Variants in MUTYH observed in about 807,000 individuals in gnomAD.
MUTYH encodes the protein adenine DNA glycosylase.
MUTYH carries 64 observed loss-of-function variants against 72.9 expected under a neutral mutation model. The observed-to-expected ratio is 0.88, with a 90% CI of 0.72 to 1.08. The LOEUF (loss-of-function observed/expected upper bound fraction) is 1.08. Ranked by LOEUF, MUTYH falls within the 50% of genes least tolerant of loss-of-function variation. The pLI is 0.00. For missense variants in MUTYH, 633 were observed against 671.0 expected, an observed-to-expected ratio of 0.94 and a Z score of 0.63; for synonymous variants, 234 against 263.1, an observed-to-expected ratio of 0.89 and a Z score of 1.07.
Position 45,334,186 on chromosome 1 carries a change from G to A in MUTYH, c.115+205C>T, listed in dbSNP as rs1242471881. ...CACGCGAGCATAGAGAGGGGATTTC[G>A]CCATGTTACCCAAGCTGGTCTCAAA... On this transcript the variant is annotated intron_variant, in intron 2 of 15. Transcript: ENST00000456914. 1.9e-5 allele frequency: 12 copies of A among 630,202 alleles called. No individual in the cohort carries two copies. The East Asian group carries it at 2.6e-4, about 14-fold the overall frequency. 39.0% of individuals were successfully genotyped at this position (630,202 alleles called of 1,614,324 possible).
Position 45,333,676 on chromosome 1 carries a change from C to T in MUTYH, c.116-115G>A, listed in dbSNP as rs1238946169. ...CACTTAGGGCTTCCCCCAACTAACC[C>T]CCTTAAGCTTTGGAGCTGGAGTCAG... On this transcript the variant is annotated intron_variant, in intron 2 of 15. Coordinates refer to ENST00000456914, the MANE Select transcript of MUTYH (RefSeq NM_001048174.2). 5 of 1,463,680 alleles carry T rather than the reference C, an allele frequency of 3.4e-6. No individual in the cohort carries two copies. The Admixed American group carries it at 6.6e-5, about 19-fold the overall frequency. The allele number at this position is 1,463,680 out of a possible 1,614,324, so 90.7% of individuals were successfully genotyped here.
At position 45,329,378 on chromosome 1, in the gene MUTYH, C is replaced by A; in HGVS notation, c.1494G>T (p.Gln498His). The A allele has an allele frequency of 1.2e-6, 2 of 1,614,178 alleles. No individual in the cohort carries two copies. The highest frequency in any genetic ancestry group is 1.7e-6 in the Non-Finnish European group (2 of 1,180,036). ...ACCGAAAGAAATTATCCAGGACTTG[C>A]TGGCCCATGCGGGGCTTTTTCCGAC... is the stretch of plus-strand genomic sequence containing the variant. The part of the protein sequence containing the change: ...PCSRKKPRMG[Q>H]QVLDNFFRSH... Residue 498 changes from glutamine to histidine, a missense_variant, in exon 16 of 16, where the codon CAG (glutamine) becomes CAT (histidine). Physicochemically the swap from Gln to His is conservative, Grantham distance 24 (BLOSUM62 0). Coordinates refer to ENST00000456914, the MANE Select transcript of MUTYH (RefSeq NM_001048174.2).
At position 45,334,515 on chromosome 1, in the gene MUTYH, A is replaced by T. The variant is rs1244463896; in HGVS notation, c.-6-4T>A. 1 of 1,614,028 alleles carries T rather than the reference A, an allele frequency of 6.2e-7. No homozygotes were observed. The highest frequency in any genetic ancestry group is 1.7e-5 in the Admixed American group (1 of 60,016). The stretch of plus-strand genomic sequence containing the variant: ...CTCGTGGCTTCCTCATGATGGCCTG[A>T]AACAAAAAGACCCAGCCAAAGCAGT... On this transcript the variant is annotated splice_polypyrimidine_tract_variant and splice_region_variant and intron_variant, in intron 1 of 15. Coordinates refer to ENST00000456914, the MANE Select transcript of MUTYH (RefSeq NM_001048174.2).
At position 45,331,324 on chromosome 1, in the gene MUTYH, G is replaced by C. The variant is rs760994413; in HGVS notation, c.1250C>G (p.Thr417Ser). The change falls in exon 14 of 16, where the codon ACC (threonine) becomes AGC (serine). Residue 417 changes from threonine (T) to serine (S), a missense_variant. Thr to Ser is a moderately conservative substitution (Grantham distance 58). Transcript: ENST00000456914. Reference protein sequence around the residue: ...HLRHLGEVVHTFSHIKLTYQV... With the variant: ...HLRHLGEVVHSFSHIKLTYQV... ...ATATGTCAGCTTGATGTGAGAGAAG[G>C]TGTGGACAACCTGGAGGAAGGGTCA... is the stretch of plus-strand genomic sequence containing the variant. 1 of 1,614,094 alleles carries C rather than the reference G, an allele frequency of 6.2e-7. No individual in the cohort carries two copies. The highest frequency in any genetic ancestry group is 2.2e-5 in the East Asian group (1 of 44,886).
chr1:45,336,537 C>T (rs938854064), intron 1 of MUTYH, among the ~76,000 whole-genome samples: 1 of 152,046 alleles, frequency 6.6e-6, no homozygotes. Context: ...TAATCTCCCC[C>T]CCACCCTTAA....
intron 1 of MUTYH, among the ~76,000 whole-genome samples, chr1:45,337,930 T>C (rs760994000): frequency 6.6e-6 from 1 of 152,104 alleles, no homozygotes; most frequent in Non-Finnish European, 1.5e-5. Flanking sequence ...AATATTAGCA[T>C]AAAAAGCAAA....
chr1:45,340,266 G>T (rs1310672482), upstream of MUTYH: 1 of 1,613,844 alleles, frequency 6.2e-7, no homozygotes, highest in Admixed American at 1.7e-5. Context: ...GCCGCCGACA[G>T]TGACGATGGC....
chr1:45,334,176 A>T (rs1355873653), intron 2 of MUTYH: 1 of 575,726 alleles, frequency 1.7e-6, no homozygotes, highest in Non-Finnish European at 3.1e-6. Context: ...GAGCATAGAG[A>T]GGGGATTTCG....
chr1:45,333,706 G>C, intron 2 of MUTYH, 145 bp from the exon 3 acceptor site: 1 of 1,235,074 alleles, frequency 8.1e-7, no homozygotes, highest in Non-Finnish European at 1.1e-6. Context: ...AGTCAGACCA[G>C]AGTTATGTAA....
chr1:45,332,160 G>A lies in MUTYH; in HGVS notation c.849+6C>T. 6.2e-7 allele frequency: 1 copy of A among 1,614,188 alleles called. No individual in the cohort carries two copies. Among genetic ancestry groups the A allele is most frequent in the Non-Finnish European group, 8.5e-7 (1 of 1,180,030 alleles). ...CTTCTCACTGCCCCTTCCCCAGTAG[G>A]CTTACTCTCTGGCGTGCCCGGCACA... is the stretch of plus-strand genomic sequence containing the variant. On this transcript the variant is annotated splice_donor_region_variant and intron_variant, in intron 10 of 15. Coordinates refer to ENST00000456914, the MANE Select transcript of MUTYH (RefSeq NM_001048174.2).
At chr1:45,331,883 C>T in intron 11 of MUTYH, 34 bp from the exon 12 acceptor site, 1 of 1,603,768 alleles carries the variant, frequency 6.2e-7, no homozygotes, top group South Asian at 1.1e-5. Context: ...CTACTCAAGC[C>T]AAGAGGGCTT....
chr1:45,332,990 G>A (rs2149162435), intron 5 of MUTYH, 31 bp from the exon 6 acceptor site: 3 of 1,614,016 alleles, frequency 1.9e-6, no homozygotes, highest in East Asian at 4.5e-5. Flanking sequence ...AAAGAGACAA[G>A]GTCAAGGGTG....
upstream of MUTYH, chr1:45,340,010 G>C: frequency 6.5e-7 from 1 of 1,539,236 alleles, no homozygotes; most frequent in Non-Finnish European, 8.8e-7. Context: ...GCTTTCCGGC[G>C]CACTCCAGGG....
At position 45,332,233 on chromosome 1, in the gene MUTYH, A is replaced by C; in HGVS notation, c.782T>G (p.Val261Gly). Residue 261 changes from valine to glycine, a missense_variant, in exon 10 of 16, where the codon GTG becomes GGG. Physicochemically the swap from Val to Gly is moderately radical, Grantham distance 109. Coordinates refer to ENST00000456914, the MANE Select transcript of MUTYH (RefSeq NM_001048174.2). Reference sequence around the variant, plus strand: ...GCACAGTGGGCGCTGTGGGGTACACACTGTGGCCCCTAGCTCCATGGCTGC... The same window carrying C: ...GCACAGTGGGCGCTGTGGGGTACACCCTGTGGCCCCTAGCTCCATGGCTGC... Reference protein sequence around the residue: ...NQAAMELGATVCTPQRPLCSQ... With the variant: ...NQAAMELGATGCTPQRPLCSQ... 6.2e-7 allele frequency: 1 copy of C among 1,614,134 alleles called. No homozygotes were observed. Among genetic ancestry groups the C allele is most frequent in the Non-Finnish European group, 8.5e-7 (1 of 1,179,994 alleles).
Position 45,331,567 on chromosome 1 carries a change from G to T in MUTYH, c.1103-11C>A, listed in dbSNP as rs1272355076. 1 of 1,613,644 alleles carries T rather than the reference G, an allele frequency of 6.2e-7. No individual in the cohort carries two copies. Among genetic ancestry groups the T allele is most frequent in the African/African-American group, 1.3e-5 (1 of 74,932 alleles). ...GTCCTGCCAGCAGACCTGAGAGGGA[G>T]GGCAGCCAGGCAGGGGTCAGGCCTC... On this transcript the variant is annotated splice_polypyrimidine_tract_variant and intron_variant, in intron 12 of 15. Coordinates refer to ENST00000456914, the MANE Select transcript of MUTYH (RefSeq NM_001048174.2).
chr1:45,334,439 G>C lies in MUTYH; in HGVS notation c.67C>G (p.Gln23Glu), dbSNP rs1270853129. Residue 23 changes from glutamine to glutamate, a missense_variant, in exon 2 of 16, where the codon CAG becomes GAG. Coordinates refer to ENST00000456914, the MANE Select transcript of MUTYH (RefSeq NM_001048174.2). The part of the protein sequence containing the change: ...RKQAASQEGR[Q>E]KHAKNNSQAK... ...TGACTGTTGTTCTTAGCATGCTTCT[G>C]CCTCCCTTCCTGGCTGGCTGCCTGC... 12 of 1,614,000 alleles carry C rather than the reference G, an allele frequency of 7.4e-6. No individual in the cohort carries two copies. Among genetic ancestry groups the C allele is most frequent in the Non-Finnish European group, 1.0e-5 (12 of 1,180,020 alleles).
intron 8 of MUTYH, 23 bp downstream of exon 8, chr1:45,332,551 G>T (rs1468094580): frequency 6.2e-7 from 1 of 1,613,992 alleles, no homozygotes; most frequent in East Asian, 2.2e-5. Flanking sequence ...CACGCACAAA[G>T]TGGGGGTGGG....
rs781774129 is a variant in MUTYH, at chr1:45,331,682, G to A, written c.1081C>T (p.Leu361=). 6 of 1,614,004 alleles carry A rather than the reference G, an allele frequency of 3.7e-6. No homozygotes were observed. In the Admixed American group the frequency reaches 1.0e-4, roughly 27 times the overall value. ...QPGALGAQIL[L]VQRPNSGLLA... ...GTACCTGAGTTGGGCCTCTGCACCAGCAGAATTTGGGCCCCAAGGGCCCCA... is the reference window on the plus strand; with the variant it reads ...GTACCTGAGTTGGGCCTCTGCACCAACAGAATTTGGGCCCCAAGGGCCCCA... Residue 361 remains leucine (L), a synonymous_variant, in exon 12 of 16, where the codon CTG becomes TTG. Coordinates refer to ENST00000456914, the MANE Select transcript of MUTYH (RefSeq NM_001048174.2).
At position 45,339,936 on chromosome 1, in the gene MUTYH, G is replaced by A. The variant is rs777448905; in HGVS notation, c.-44C>T. The A allele has an allele frequency of 1.8e-5, 26 of 1,467,882 alleles. No individual in the cohort carries two copies. In the Admixed American group the frequency reaches 2.0e-4, roughly 11 times the overall value. The allele number at this position is 1,467,882 out of a possible 1,614,324, so 90.9% of individuals were successfully genotyped here. On this transcript the variant is annotated 5_prime_UTR_variant, in exon 1 of 16. Transcript: ENST00000456914. ...CTGATGAAGACAGCAGAACACGGAG[G>A]CCCCGCGTTCCCGCCGCGAGAGCAG... is the stretch of plus-strand genomic sequence containing the variant.
Sources: gnomAD v4.1 joint callset for allele counts (sites outside exome capture counted in the v4.1 genomes callset) on GRCh38, gnomAD v4.1.1 for gene constraint, MANE v1.5 for transcripts, NCBI Gene and HGNC (gene_info 2026-07-23, HGNC 2026-07-21) for gene names.